Variants in STXBP5L observed in about 807,000 individuals in gnomAD.
The protein encoded by STXBP5L is syntaxin-binding protein 5-like.
A neutral mutation model predicts 144.5 loss-of-function variants in STXBP5L; 65 were observed. The observed-to-expected ratio is 0.45, with a 90% CI of 0.37 to 0.55. STXBP5L has a LOEUF of 0.55. Ranked by LOEUF, STXBP5L falls within the 20% of genes least tolerant of loss-of-function variation. The pLI, the probability that STXBP5L is intolerant of heterozygous loss-of-function variation, is 0.00. For synonymous variants in STXBP5L, 505 were observed against 469.6 expected (o/e 1.08, Z -0.97); for missense variants, 1,298 against 1,405.5 (o/e 0.92, Z 1.22).
chr3:121,121,438 A>C (rs1303666846), intron 6 of STXBP5L, among the ~76,000 whole-genome samples: 1 of 151,340 alleles, frequency 6.6e-6, no homozygotes, highest in Non-Finnish European at 1.5e-5. Context: ...TTTTAAAGAA[A>C]AACATAAATA....
At chr3:121,246,706 G>A (rs1319486196) in intron 14 of STXBP5L, among the ~76,000 whole-genome samples, 1 of 152,108 alleles carries the variant, frequency 6.6e-6, no homozygotes, top group Non-Finnish European at 1.5e-5. Flanking sequence ...ATTTGGTGAA[G>A]GGGTAAGTAG....
At chr3:120,995,876 G>A (rs1943308810) in intron 3 of STXBP5L, among the ~76,000 whole-genome samples, 1 of 152,020 alleles carries the variant, frequency 6.6e-6, no homozygotes, top group African/African-American at 2.4e-5. Context: ...GAAGTTTCAA[G>A]ACTTCTTTTC....
chr3:121,121,722 T>G lies in STXBP5L; in HGVS notation c.669+18T>G, dbSNP rs778417739. Reference sequence around the variant, plus strand: ...AAGGCAAAGTGAGTATTATGATATCTTTATTATTAGTTTTATTTTCCTCAT... The same window carrying G: ...AAGGCAAAGTGAGTATTATGATATCGTTATTATTAGTTTTATTTTCCTCAT... On this transcript the variant is annotated intron_variant, in intron 7 of 26. Transcript: ENST00000471454. 5.1e-6 allele frequency: 8 copies of G among 1,555,738 alleles called. 1 individual carries two copies. The South Asian group carries it at 9.2e-5, about 18-fold the overall frequency.
intron 19 of STXBP5L, among the ~76,000 whole-genome samples, chr3:121,311,520 A>T (rs1448542310): frequency 1.3e-5 from 2 of 152,216 alleles, no homozygotes; most frequent in African/African-American, 4.8e-5. Flanking sequence ...TTATATACAA[A>T]AATCACAAGC....
chr3:121,279,776 A>C (rs765910810), intron 18 of STXBP5L, 29 bp from the exon 19 acceptor site: 1 of 1,608,108 alleles, frequency 6.2e-7, no homozygotes, highest in Non-Finnish European at 8.5e-7. Flanking sequence ...GTTGTGATAC[A>C]TTCTAGTTGT....
intron 7 of STXBP5L, among the ~76,000 whole-genome samples, chr3:121,131,878 T>C (rs562740653): frequency 1.3e-5 from 2 of 152,296 alleles, no homozygotes; most frequent in South Asian, 2.1e-4. Context: ...TTGAAAAGTT[T>C]CTGAACCCCA....
At chr3:121,083,443 C>T (rs1301261549) in intron 5 of STXBP5L, among the ~76,000 whole-genome samples, 1 of 151,978 alleles carries the variant, frequency 6.6e-6, no homozygotes, top group Admixed American at 6.6e-5. Flanking sequence ...GGGCAGATCA[C>T]TTGAGGTCAC....
At chr3:121,118,562 A>G (rs2044327351) in intron 6 of STXBP5L, among the ~76,000 whole-genome samples, 1 of 151,634 alleles carries the variant, frequency 6.6e-6, no homozygotes. Flanking sequence ...TGATAAGTTC[A>G]GACTTTAAAG....
At chr3:121,003,301 G>T (rs1221640821) in intron 3 of STXBP5L, among the ~76,000 whole-genome samples, 2 of 149,132 alleles carry the variant, frequency 1.3e-5, no homozygotes, top group East Asian at 1.9e-4. Flanking sequence ...TTTCTCTGAT[G>T]GCCAGTGATG....
chr3:121,033,621 T>TG (rs1946537112), intron 3 of STXBP5L, among the ~76,000 whole-genome samples: 2 of 151,510 alleles, frequency 1.3e-5, no homozygotes, highest in Non-Finnish European at 2.9e-5. Flanking sequence ...AATTCGTGTG[T>TG]TTTTTATGGT....
At chr3:121,127,083 A>G (rs1384418668) in intron 7 of STXBP5L, among the ~76,000 whole-genome samples, 1 of 151,942 alleles carries the variant, frequency 6.6e-6, no homozygotes, top group Non-Finnish European at 1.5e-5. Flanking sequence ...TTCTTCCTAC[A>G]TCATCTCAGA....
At chr3:121,177,181 A>G (rs1328054845) in intron 9 of STXBP5L, among the ~76,000 whole-genome samples, 1 of 152,060 alleles carries the variant, frequency 6.6e-6, no homozygotes, top group African/African-American at 2.4e-5. Context: ...CAAAACAAAG[A>G]CACTGTAAAA....
At chr3:121,228,631 C>G (rs1399711522) in intron 11 of STXBP5L, among the ~76,000 whole-genome samples, 5 of 152,174 alleles carry the variant, frequency 3.3e-5, no homozygotes, top group Non-Finnish European at 5.9e-5. Context: ...AATCCCAACA[C>G]TTTGGGAGGC....
At chr3:121,023,649 A>G (rs1945718793) in intron 3 of STXBP5L, among the ~76,000 whole-genome samples, 1 of 152,058 alleles carries the variant, frequency 6.6e-6, no homozygotes, top group Admixed American at 6.6e-5. Flanking sequence ...TATTTAACAA[A>G]TGGTGCTGGG....
intron 8 of STXBP5L, among the ~76,000 whole-genome samples, chr3:121,154,974 A>G (rs1057412917): frequency 2.4e-4 from 36 of 151,788 alleles, no homozygotes; most frequent in African/African-American, 6.8e-4. Flanking sequence ...CCCACTTCCA[A>G]TGTCCTAGTT....
intron 7 of STXBP5L, among the ~76,000 whole-genome samples, chr3:121,145,666 A>G (rs1274998993): frequency 2.6e-5 from 4 of 152,076 alleles, no homozygotes; most frequent in Non-Finnish European, 1.5e-5. Context: ...TATAAAAATA[A>G]TAATGACTTC....
In STXBP5L at chr3:121,381,290, T is replaced by C; in HGVS notation, c.2348-3T>C. 1 of 1,581,324 alleles carries C rather than the reference T, an allele frequency of 6.3e-7. No homozygotes were observed. On this transcript the variant is annotated splice_region_variant and splice_polypyrimidine_tract_variant and intron_variant, in intron 21 of 26. Transcript: ENST00000471454. ...TGTGGTTTTTTTTTATTTATTTCCA[T>C]AGAAAACCGAGAAAATTCCTATAAT...
intron 9 of STXBP5L, among the ~76,000 whole-genome samples, chr3:121,201,898 G>A (rs183401939): frequency 6.8e-4 from 104 of 152,184 alleles, no homozygotes; most frequent in South Asian, 3.7e-3. Context: ...TGGGATTACC[G>A]GCACGTGCCA....
In STXBP5L at chr3:121,381,423, T is replaced by C. The variant is rs1350238263; in HGVS notation, c.2478T>C (p.Ser826=). The change falls in exon 22 of 27, where the codon TCT becomes TCC. Residue 826 remains serine (S), a synonymous_variant. Coordinates refer to ENST00000471454, the MANE Select transcript of STXBP5L (RefSeq NM_001308330.2). ...CACGGAAAAATGACTCTACCATCTCTCCTTGTCTGTTCGTTGGAACCAGTC... is the reference window on the plus strand; with the variant it reads ...CACGGAAAAATGACTCTACCATCTCCCCTTGTCTGTTCGTTGGAACCAGTC... ...SFARKNDSTI[S]PCLFVGTSLG... 1 of 1,608,482 alleles carries C rather than the reference T, an allele frequency of 6.2e-7. No individual in the cohort carries two copies. The highest frequency in any genetic ancestry group is 2.2e-5 in the East Asian group (1 of 44,788).
Sources: gnomAD v4.1 joint callset for allele counts (sites outside exome capture counted in the v4.1 genomes callset) on GRCh38, gnomAD v4.1.1 for gene constraint, MANE v1.5 for transcripts, NCBI Gene and HGNC (gene_info 2026-07-23, HGNC 2026-07-21) for gene names.